Variants in SATB1 observed in about 807,000 individuals in gnomAD.
SATB1 encodes the protein DNA-binding protein SATB1.
SATB1 carries 11 observed loss-of-function variants against 86.9 expected under a neutral mutation model. The ratio of observed to expected loss-of-function variants is 0.13; its 90% confidence interval spans 0.08 to 0.21. The LOEUF is 0.21. Among genes scored for constraint, SATB1 ranks in the 10% least tolerant of loss-of-function variants. The probability of loss-of-function intolerance (pLI) is 1.00; values close to 1 mark genes in which losing one functional copy is unlikely to be tolerated. For synonymous variants in SATB1, 357 were observed against 357.2 expected, an observed-to-expected ratio of 1.00 and a Z score of 0.01; for missense variants, 551 against 937.6, an observed-to-expected ratio of 0.59 and a Z score of 5.39.
At chr3:18,364,691 C>G (rs1409152325) in intron 9 of SATB1, among the ~76,000 whole-genome samples, 1 of 151,830 alleles carries the variant, frequency 6.6e-6, no homozygotes, top group African/African-American at 2.4e-5. Context: ...TGTATACATA[C>G]ATAGCTATCA....
chr3:18,404,424 G>T (rs1322454179), intron 5 of SATB1, among the ~76,000 whole-genome samples: 3 of 151,974 alleles, frequency 2.0e-5, no homozygotes, highest in African/African-American at 2.4e-5. Flanking sequence ...TTGCCATCTT[G>T]ATCAATCCTA....
At chr3:18,429,974 C>G (rs188164872), upstream of SATB1, among the ~76,000 whole-genome samples, 1 of 152,272 alleles carries the variant, frequency 6.6e-6, no homozygotes, top group Admixed American at 6.5e-5. The surrounding 1 kb of genome is among the most constrained non-coding windows in gnomAD (Gnocchi z 4.1). Context: ...ATTTCCACTA[C>G]AAATTGCATT....
At chr3:18,377,825 C>A (rs1458860707) in intron 9 of SATB1, among the ~76,000 whole-genome samples, 18 of 152,048 alleles carry the variant, frequency 1.2e-4, no homozygotes, top group Non-Finnish European at 2.4e-4. Context: ...AAATAAAGAT[C>A]ATCTAAGCAA....
At chr3:18,351,183 A>C in intron 10 of SATB1, 1 of 733,556 alleles carries the variant, frequency 1.4e-6, no homozygotes, top group East Asian at 2.7e-5. Flanking sequence ...ATCTGCTGGC[A>C]CAGTGAGCTC....
chr3:18,421,901 A>C (rs1698415963), intron 1 of SATB1, among the ~76,000 whole-genome samples: 1 of 151,922 alleles, frequency 6.6e-6, no homozygotes, highest in African/African-American at 2.4e-5. Flanking sequence ...CAAAATATCC[A>C]GTATTCAGAA....
At chr3:18,445,427 C>T (rs888897423) in intron 1 of SATB1, 127 of 985,262 alleles carry the variant, frequency 1.3e-4, no homozygotes, top group Non-Finnish European at 1.4e-4. Flanking sequence ...GAAGACAGGA[C>T]CCTCAGCCTC....
chr3:18,441,212 G>A (rs535328253), upstream of SATB1, among the ~76,000 whole-genome samples: 1 of 152,170 alleles, frequency 6.6e-6, no homozygotes, highest in East Asian at 1.9e-4. Context: ...TGTAAAACGT[G>A]TTTTTTCTAT....
At chr3:18,426,892 G>C (rs914449994), upstream of SATB1, among the ~76,000 whole-genome samples, 1 of 152,164 alleles carries the variant, frequency 6.6e-6, no homozygotes, top group African/African-American at 2.4e-5. The surrounding 1 kb of genome is among the most constrained non-coding windows in gnomAD (Gnocchi z 4.2). Flanking sequence ...AAAAGTGTAG[G>C]AAATGATGGC....
At chr3:18,435,635 C>G (rs992532732) in intron 2 of SATB1, among the ~76,000 whole-genome samples, 3 of 152,102 alleles carry the variant, frequency 2.0e-5, no homozygotes, top group African/African-American at 4.8e-5. Context: ...TTTCTACTTT[C>G]TTTAATTTTG....
At chr3:18,365,909 G>T (rs959672022) in intron 9 of SATB1, among the ~76,000 whole-genome samples, 3 of 152,148 alleles carry the variant, frequency 2.0e-5, no homozygotes, top group Non-Finnish European at 4.4e-5. Context: ...TGCAAGCCAG[G>T]AAGAAAGAAG....
chr3:18,416,332 T>C (rs1199925079), intron 3 of SATB1, among the ~76,000 whole-genome samples, 199 bp from the exon 4 acceptor site: 2 of 152,082 alleles, frequency 1.3e-5, no homozygotes, highest in Non-Finnish European at 2.9e-5. Context: ...ATTATGTAAA[T>C]GACTGTAGGG....
At chr3:18,376,796 G>A (rs907684911) in intron 9 of SATB1, among the ~76,000 whole-genome samples, 3 of 152,084 alleles carry the variant, frequency 2.0e-5, no homozygotes, top group African/African-American at 7.2e-5. Context: ...GAGAGATTAC[G>A]GTGGCCTGAT....
intron 7 of SATB1, among the ~76,000 whole-genome samples, chr3:18,393,938 A>G (rs1047017878): frequency 1.1e-4 from 16 of 152,112 alleles, no homozygotes; most frequent in African/African-American, 3.1e-4. Flanking sequence ...TTTTTTCAAA[A>G]TGGCTGCTTA....
intron 7 of SATB1, among the ~76,000 whole-genome samples, chr3:18,392,676 T>C (rs1045124446): frequency 1.3e-5 from 2 of 151,954 alleles, no homozygotes; most frequent in African/African-American, 4.8e-5. Flanking sequence ...AAAAGCATTA[T>C]TGAAATGTTA....
chr3:18,398,241 A>C (rs1350872551), intron 5 of SATB1, among the ~76,000 whole-genome samples: 1 of 152,160 alleles, frequency 6.6e-6, no homozygotes, highest in Non-Finnish European at 1.5e-5. Context: ...TCTTCCCAGC[A>C]AATTTTGGTT....
intron 2 of SATB1, among the ~76,000 whole-genome samples, chr3:18,436,449 A>C (rs182975207): frequency 6.6e-6 from 1 of 151,252 alleles, no homozygotes; most frequent in African/African-American, 2.4e-5. Flanking sequence ...GAGCAGGCAC[A>C]CTTAACCTAA....
chr3:18,400,208 G>A (rs1269595054), intron 5 of SATB1, among the ~76,000 whole-genome samples: 1 of 152,186 alleles, frequency 6.6e-6, no homozygotes, highest in Non-Finnish European at 1.5e-5. Context: ...AGAAAGGCTT[G>A]GGATTCTTGT....
At chr3:18,410,613 A>G (rs1169735479) in intron 5 of SATB1, among the ~76,000 whole-genome samples, 1 of 152,126 alleles carries the variant, frequency 6.6e-6, no homozygotes, top group African/African-American at 2.4e-5. Context: ...TACATAGGAA[A>G]TGGAATGCCT....
chr3:18,363,475 G>A (rs1259641319), intron 9 of SATB1, among the ~76,000 whole-genome samples: 1 of 152,110 alleles, frequency 6.6e-6, no homozygotes, highest in Non-Finnish European at 1.5e-5. Flanking sequence ...GGGAGACTGG[G>A]GCTTTGCACA....
Sources: allele counts gnomAD v4.1 joint callset (sites outside exome capture counted in the v4.1 genomes callset), GRCh38; gene constraint gnomAD v4.1.1; non-coding constraint Gnocchi (gnomAD v3.1); transcripts MANE v1.5; gene names NCBI Gene and HGNC (gene_info 2026-07-23, HGNC 2026-07-21).